The following UTP20 variants were observed in gnomAD, a reference collection of about 807,000 sequenced individuals.
The protein encoded by UTP20 is small subunit processome component 20 homolog.
UTP20 carries 164 observed loss-of-function variants against 329.5 expected under a neutral mutation model. The ratio of observed to expected loss-of-function variants is 0.50; its 90% CI spans 0.44 to 0.57. The LOEUF is 0.57. Ranked by LOEUF, UTP20 falls within the 20% of genes least tolerant of loss-of-function variation. The probability of loss-of-function intolerance (pLI) is 0.00; values close to 1 mark genes in which losing one functional copy is unlikely to be tolerated. For synonymous variants in UTP20, 1,151 were observed against 1,159.3 expected, an observed-to-expected ratio of 0.99 and a Z score of 0.14; for missense variants, 3,055 against 3,284.2, an observed-to-expected ratio of 0.93 and a Z score of 1.71.
intron 21 of UTP20, among the ~76,000 whole-genome samples, chr12:101,316,079 G>C (rs17498815): frequency 0.052 from 7,896 of 152,272 alleles, 280 homozygotes; most frequent in Admixed American, 0.1. Context: ...CTTTAATTCT[G>C]ACTTTGAAGT....
intron 12 of UTP20, among the ~76,000 whole-genome samples, chr12:101,298,795 T>C (rs944957549): frequency 2.6e-5 from 4 of 152,124 alleles, no homozygotes; most frequent in Non-Finnish European, 4.4e-5. Context: ...TCTATCATGA[T>C]TTCCAGACAC....
intron 5 of UTP20, among the ~76,000 whole-genome samples, chr12:101,287,943 T>C (rs1872012796): frequency 6.6e-6 from 1 of 152,218 alleles, no homozygotes; most frequent in Admixed American, 6.5e-5. Flanking sequence ...AGCTAAGTGA[T>C]GTCAGAGAAG....
chr12:101,347,764 T>C (rs1193272773), intron 38 of UTP20, among the ~76,000 whole-genome samples: 2 of 152,206 alleles, frequency 1.3e-5, no homozygotes, highest in African/African-American at 4.8e-5. Flanking sequence ...TTTGATGCCA[T>C]TGAAATATGA....
intron 58 of UTP20, 68 bp from the exon 59 acceptor site, chr12:101,382,973 C>T (rs1870698404): frequency 1.3e-6 from 2 of 1,509,936 alleles, no homozygotes; most frequent in East Asian, 4.6e-5. Flanking sequence ...TTAGCTTATG[C>T]TCTACTAAGC....
At chr12:101,380,603 C>T (rs181007499) in intron 57 of UTP20, among the ~76,000 whole-genome samples, 33 of 152,108 alleles carry the variant, frequency 2.2e-4, no homozygotes, top group African/African-American at 7.7e-4. Flanking sequence ...TGGCTCATGC[C>T]TGTAATCCCA....
intron 5 of UTP20, 118 bp downstream of exon 5, chr12:101,286,627 G>T (rs1043457763): frequency 3.7e-6 from 3 of 819,592 alleles, no homozygotes; most frequent in Non-Finnish European, 5.2e-6. Context: ...GTACAAAGTT[G>T]ATTCTCCAGC....
chr12:101,329,578 C>A, intron 27 of UTP20, 129 bp downstream of exon 27: 2 of 856,184 alleles, frequency 2.3e-6, no homozygotes, highest in Non-Finnish European at 3.5e-6. Context: ...GAACAAAGCC[C>A]AAAATTGTAA....
Position 101,310,595 on chromosome 12 carries a change from A to AAG in UTP20, c.2231+757_2231+758insGA, listed in dbSNP as rs1555199077. 6.3e-4 allele frequency among the ~76,000 whole-genome samples: 77 copies of AAG among 121,656 alleles called. 10 individuals carry two copies. The highest frequency in any genetic ancestry group is 7.4e-4 in the Non-Finnish European group (37 of 49,804). The allele number at this position is 121,656 out of a possible 152,430, so 79.8% of individuals were successfully genotyped here. On this transcript the variant is annotated intron_variant, in intron 19 of 61. Coordinates refer to ENST00000261637, the MANE Select transcript of UTP20 (RefSeq NM_014503.3). Reference sequence around the variant, plus strand: ...TGTCTCCCAAAAAAAAAAAAAAAAAAAAATACATGTTATGGCTCATGTGTA... The same window carrying AAG: ...TGTCTCCCAAAAAAAAAAAAAAAAAAAGAAATACATGTTATGGCTCATGTGTA...
intron 43 of UTP20, among the ~76,000 whole-genome samples, chr12:101,358,368 A>G (rs1869796047): frequency 6.6e-6 from 1 of 152,242 alleles, no homozygotes; most frequent in Non-Finnish European, 1.5e-5. Context: ...AAACTTCATT[A>G]GGCAATGTTA....
At position 101,313,221 on chromosome 12, in the gene UTP20, T is replaced by C. The variant is rs1031852666; in HGVS notation, c.2552+945T>C. Among the ~76,000 whole-genome samples the C allele has an allele frequency of 2.0e-5, 3 of 152,290 alleles. No homozygotes were observed. In the South Asian group the frequency reaches 6.2e-4, roughly 32 times the overall value. ...AGCATGTTTTCCTATAGTAGTTTCCTGGGAAAATGCTGTAGGGTTAGGTCA... is the reference window on the plus strand; with the variant it reads ...AGCATGTTTTCCTATAGTAGTTTCCCGGGAAAATGCTGTAGGGTTAGGTCA... On this transcript the variant is annotated intron_variant, in intron 21 of 61. Coordinates refer to ENST00000261637, the MANE Select transcript of UTP20 (RefSeq NM_014503.3).
intron 38 of UTP20, among the ~76,000 whole-genome samples, chr12:101,348,537 G>T (rs1259633215): frequency 6.6e-6 from 1 of 151,904 alleles, no homozygotes; most frequent in Non-Finnish European, 1.5e-5. Context: ...TGAAAATAAA[G>T]AAAAGGTCTT....
chr12:101,302,539 G>A lies in UTP20; in HGVS notation c.1767G>A (p.Val589=). ...ELLHLVPVER[V]KNLVLTFPLE... ...TTCATTTGGTTCCTGTGGAACGTGTGAAGAATTTAGTATTGTAAGTAAACA... is the reference window on the plus strand; with the variant it reads ...TTCATTTGGTTCCTGTGGAACGTGTAAAGAATTTAGTATTGTAAGTAAACA... The change falls in exon 15 of 62, where the codon GTG becomes GTA. Residue 589 remains valine (V), a synonymous_variant. Coordinates refer to ENST00000261637, the MANE Select transcript of UTP20 (RefSeq NM_014503.3). The A allele has an allele frequency of 6.2e-7, 1 of 1,605,050 alleles. No homozygotes were observed. The highest frequency in any genetic ancestry group is 1.7e-5 in the Admixed American group (1 of 58,692).
chr12:101,292,678 G>A (rs2137235798), intron 10 of UTP20, among the ~76,000 whole-genome samples: 1 of 152,312 alleles, frequency 6.6e-6, no homozygotes, highest in Admixed American at 6.5e-5. Context: ...GTTCATAAAT[G>A]TTTGCAGTCT....
intron 5 of UTP20, among the ~76,000 whole-genome samples, chr12:101,288,547 T>C (rs1389492187): frequency 6.6e-6 from 1 of 152,240 alleles, no homozygotes; most frequent in African/African-American, 2.4e-5. Flanking sequence ...ACTTTATCCA[T>C]AGCTGCTCTC....
intron 46 of UTP20, 121 bp downstream of exon 46, chr12:101,365,746 G>A (rs1870076226): frequency 5.7e-6 from 4 of 698,724 alleles, no homozygotes; most frequent in South Asian, 6.2e-5. Flanking sequence ...GTTCTCAGAT[G>A]GTACTTTATG....
At chr12:101,281,076 TTTAA>T (rs1871781339) in intron 1 of UTP20, 36 bp from the exon 2 acceptor site, 35 of 1,509,926 alleles carry the variant, frequency 2.3e-5, no homozygotes, top group Non-Finnish European at 3.2e-5. Flanking sequence ...TCTGATAAAT[TTTAA>T]TTAATTATGT....
chr12:101,378,185 T>C (rs1371620589), intron 56 of UTP20, among the ~76,000 whole-genome samples: 1 of 152,232 alleles, frequency 6.6e-6, no homozygotes, highest in Non-Finnish European at 1.5e-5. Context: ...GCTTAGCATG[T>C]CACACAGCCT....
chr12:101,290,018 T>G, intron 6 of UTP20, 119 bp from the exon 7 acceptor site: 1 of 784,324 alleles, frequency 1.3e-6, no homozygotes. Context: ...GTCTGTTCTT[T>G]TCACAATTTT....
At chr12:101,296,252 G>A (rs1270661207) in intron 12 of UTP20, among the ~76,000 whole-genome samples, 1 of 152,112 alleles carries the variant, frequency 6.6e-6, no homozygotes, top group African/African-American at 2.4e-5. Context: ...CCCTCACCAC[G>A]AGGATTCCTC....
Sources: allele counts gnomAD v4.1 joint callset (sites outside exome capture counted in the v4.1 genomes callset), GRCh38; gene constraint gnomAD v4.1.1; transcripts MANE v1.5; gene names NCBI Gene and HGNC (gene_info 2026-07-23, HGNC 2026-07-21).